Variants in LAMB4 observed in about 807,000 individuals in gnomAD.
LAMB4 encodes laminin subunit beta 4.
LAMB4 carries 196 observed loss-of-function variants against 199.2 expected under a neutral mutation model. The observed-to-expected ratio is 0.98, with a 90% CI of 0.88 to 1.11. The LOEUF is 1.11. Among genes scored for constraint, LAMB4 ranks in the 50% least tolerant of loss-of-function variants. LAMB4 has a pLI of 0.00. For synonymous variants in LAMB4, 744 were observed against 770.6 expected (o/e 0.97, Z 0.57); for missense variants, 2,080 against 2,171.2 (o/e 0.96, Z 0.83).
chr7:108,116,781 C>G (rs977472966), intron 2 of LAMB4, among the ~76,000 whole-genome samples: 1 of 152,198 alleles, frequency 6.6e-6, no homozygotes, highest in African/African-American at 2.4e-5. Context: ...GCCTGTACAT[C>G]TCAGCACTTG....
chr7:108,057,371 G>A (rs2036016597), intron 24 of LAMB4, among the ~76,000 whole-genome samples: 1 of 152,184 alleles, frequency 6.6e-6, no homozygotes, highest in Admixed American at 6.5e-5. Flanking sequence ...AATAAGTGGG[G>A]CCCAGAGAAA....
rs187839892 is a variant in LAMB4 at position 108,078,046 on chromosome 7, T to C, written c.2003+155A>G. 4.6e-4 allele frequency among the ~76,000 whole-genome samples: 70 copies of C among 152,360 alleles called. 1 individual carries two copies. Among genetic ancestry groups the C allele is most frequent in the Non-Finnish European group, 9.0e-4 (61 of 68,034 alleles). On this transcript the variant is annotated intron_variant, in intron 16 of 33. Coordinates refer to ENST00000388781, the MANE Select transcript of LAMB4 (RefSeq NM_007356.3). ...TATGAAGATTAAAAGTGATATTAAATGTAAAGCATAGTGCAGCACCCAGTA... is the reference window on the plus strand; with the variant it reads ...TATGAAGATTAAAAGTGATATTAAACGTAAAGCATAGTGCAGCACCCAGTA...
chr7:108,110,703 G>A (rs2038192623), intron 4 of LAMB4, among the ~76,000 whole-genome samples: 1 of 152,150 alleles, frequency 6.6e-6, no homozygotes, highest in African/African-American at 2.4e-5. Context: ...TGGAACAAAT[G>A]TTAGATGTGG....
At chr7:108,078,128 C>G in intron 16 of LAMB4, 73 bp downstream of exon 16, 1 of 998,610 alleles carries the variant, frequency 1.0e-6, no homozygotes, top group South Asian at 1.4e-5. Flanking sequence ...ACTTAGTTCC[C>G]AGAAACAAAT....
At chr7:108,084,229 G>A (rs527861961) in intron 14 of LAMB4, among the ~76,000 whole-genome samples, 38 of 152,316 alleles carry the variant, frequency 2.5e-4, no homozygotes, top group African/African-American at 8.7e-4. Flanking sequence ...AGCAGCCAGA[G>A]GCTGTAGTTT....
intron 1 of LAMB4, among the ~76,000 whole-genome samples, chr7:108,127,613 C>G (rs1409742207): frequency 2.6e-5 from 4 of 152,138 alleles, no homozygotes; most frequent in Admixed American, 2.6e-4. Flanking sequence ...TGAGCAGCAT[C>G]AACATCATGT....
the LAMB4 span, among the ~76,000 whole-genome samples, chr7:108,014,178 A>G: frequency 8.3e-3 from 1,263 of 152,284 alleles, 88 homozygotes; most frequent in Admixed American, 0.078. Flanking sequence ...TTGTGGATGT[A>G]TTTTCAGTAG....
At chr7:108,024,681 C>T (rs1490075313) in intron 33 of LAMB4, among the ~76,000 whole-genome samples, 8 of 152,050 alleles carry the variant, frequency 5.3e-5, no homozygotes, top group South Asian at 2.1e-4. Context: ...ATTGATCCGT[C>T]GACCCATCCA....
chr7:108,126,601 A>G (rs1229306730), intron 1 of LAMB4, among the ~76,000 whole-genome samples: 2 of 104,418 alleles, frequency 1.9e-5, no homozygotes, highest in South Asian at 3.5e-4. Flanking sequence ...TCTGTCGCCC[A>G]GGCCGGACTG....
intron 14 of LAMB4, among the ~76,000 whole-genome samples, chr7:108,083,726 G>A (rs994584282): frequency 6.6e-6 from 1 of 152,188 alleles, no homozygotes; most frequent in Non-Finnish European, 1.5e-5. Context: ...TTGATGCTGT[G>A]TCCCTAACAG....
chr7:108,114,457 C>A (rs1453457328), intron 3 of LAMB4, among the ~76,000 whole-genome samples: 2 of 152,016 alleles, frequency 1.3e-5, no homozygotes, highest in Non-Finnish European at 2.9e-5. Flanking sequence ...AGTTGAGAAC[C>A]AATTCTTTGT....
At chr7:108,107,877 T>C in intron 5 of LAMB4, 58 bp from the exon 6 acceptor site, 1 of 1,124,906 alleles carries the variant, frequency 8.9e-7, no homozygotes, top group East Asian at 2.5e-5. Flanking sequence ...ATTATCAACT[T>C]CAGATTGAAT....
At chr7:108,090,565 T>C (rs531776049) in intron 14 of LAMB4, among the ~76,000 whole-genome samples, 23 of 152,296 alleles carry the variant, frequency 1.5e-4, no homozygotes, top group African/African-American at 5.5e-4. Flanking sequence ...CAGAGCCGTA[T>C]TGGCATACTT....
chr7:108,105,806 T>A lies in LAMB4; in HGVS notation c.870+11A>T, dbSNP rs2037984125. 6.2e-7 allele frequency: 1 copy of A among 1,613,214 alleles called. No homozygotes were observed. The highest frequency in any genetic ancestry group is 8.5e-7 in the Non-Finnish European group (1 of 1,179,128). On this transcript the variant is annotated intron_variant, in intron 8 of 33. Transcript: ENST00000388781. ...AGGACAGCCCACTGTTCTTTTGGAT[T>A]AATAACTCACCATTCCAGGAGGGCT...
chr7:108,053,465 G>A (rs187676083), intron 25 of LAMB4, among the ~76,000 whole-genome samples: 72 of 152,338 alleles, frequency 4.7e-4, no homozygotes, highest in African/African-American at 1.7e-3. Flanking sequence ...CCACAGCGAG[G>A]CAATGGCAAA....
chr7:108,017,953 C>T, the LAMB4 span, among the ~76,000 whole-genome samples: 1 of 152,348 alleles, frequency 6.6e-6, no homozygotes, highest in East Asian at 1.9e-4. Context: ...GGCTGTGAAT[C>T]GCCTAAGGTC....
Position 108,117,306 on chromosome 7 carries a change from T to C in LAMB4, c.35-1145A>G, listed in dbSNP as rs927642780. On this transcript the variant is annotated intron_variant, in intron 2 of 33. Transcript: ENST00000388781. ...GCAAATGAGCAAGCATTCTAATCAT[T>C]CCGAGTTAAGATAACTGTTAAACAT... Among the ~76,000 whole-genome samples, 7 of 152,166 alleles carry C rather than the reference T, an allele frequency of 4.6e-5. No individual in the cohort carries two copies. In the East Asian group the frequency reaches 1.2e-3, roughly 25 times the overall value.
Position 108,104,840 on chromosome 7 carries a change from C to CT in LAMB4, c.871-222dup, listed in dbSNP as rs138912987. Among the ~76,000 whole-genome samples the CT allele has an allele frequency of 5.9e-3, 887 of 151,082 alleles. 2 individuals are homozygous for CT. Among genetic ancestry groups the CT allele is most frequent in the Middle Eastern group, 0.014 (4 of 292 alleles). ...TTCAGTGAACTTCTAAAATACAATA[C>CT]TTTTTTTTTGGCTTTTCTGAGTTCT... is the stretch of plus-strand genomic sequence containing the variant. On this transcript the variant is annotated intron_variant, in intron 8 of 33. Transcript: ENST00000388781.
Position 108,057,835 on chromosome 7 carries a change from T to C in LAMB4, c.3376A>G (p.Ile1126Val). ...NYYGDPPGRC[I>V]PCDCNRAGTQ... The stretch of plus-strand genomic sequence containing the variant: ...TTTTAGAAATCCCAATACTTACGAA[T>C]GCATCGCCCAGGTGGATCACCATAA... Residue 1126 changes from isoleucine to valine, a missense_variant, in exon 24 of 34, where the codon ATT becomes GTT. Physicochemically the swap from Ile to Val is conservative, Grantham distance 29 (BLOSUM62 3). Coordinates refer to ENST00000388781, the MANE Select transcript of LAMB4 (RefSeq NM_007356.3). 1.2e-6 allele frequency: 2 copies of C among 1,604,988 alleles called. No individual in the cohort carries two copies. The highest frequency in any genetic ancestry group is 2.2e-5 in the South Asian group (2 of 90,872).
Sources: allele counts gnomAD v4.1 joint callset (sites outside exome capture counted in the v4.1 genomes callset), GRCh38; gene constraint gnomAD v4.1.1; transcripts MANE v1.5; gene names NCBI Gene and HGNC (gene_info 2026-07-23, HGNC 2026-07-21).